Variants in MX1 observed in about 807,000 individuals in gnomAD.
The protein encoded by MX1 is MX dynamin like GTPase 1, also known as interferon-induced GTP-binding protein Mx1.
In MX1, 66 loss-of-function variants were observed where a neutral mutation model predicts 66.4. The observed-to-expected ratio is 0.99, with a 90% CI of 0.82 to 1.22. The LOEUF is 1.22. Among genes scored for constraint, MX1 ranks in the 50% most tolerant of loss-of-function variants. The probability of loss-of-function intolerance (pLI) is 0.00; values close to 1 mark genes in which losing one functional copy is unlikely to be tolerated. For synonymous variants in MX1, 311 were observed against 318.1 expected, an observed-to-expected ratio of 0.98 and a Z score of 0.24; for missense variants, 787 against 834.3, an observed-to-expected ratio of 0.94 and a Z score of 0.70.
chr21:41,444,907 T>TA (rs1179792070), intron 11 of MX1, among the ~76,000 whole-genome samples: 1 of 152,150 alleles, frequency 6.6e-6, no homozygotes, highest in Non-Finnish European at 1.5e-5. Context: ...AGTCCACCGA[T>TA]ACATTTAAAG....
chr21:41,436,547 C>T (rs555549620), intron 6 of MX1, among the ~76,000 whole-genome samples: 9 of 152,222 alleles, frequency 5.9e-5, no homozygotes, highest in South Asian at 2.1e-4. Flanking sequence ...AGGCCTGGGA[C>T]GGGTCTTGCA....
rs2090317785 is a variant in MX1 at position 41,434,902 on chromosome 21, A to G, written c.106-935A>G. ...GTATAGATCCAGATTTCCATTCAGTATCATTTTCCTTCTACCTAAAGAACT... is the reference window on the plus strand; with the variant it reads ...GTATAGATCCAGATTTCCATTCAGTGTCATTTTCCTTCTACCTAAAGAACT... On this transcript the variant is annotated intron_variant, in intron 5 of 16. Coordinates refer to ENST00000398598, the MANE Select transcript of MX1 (RefSeq NM_002462.5). 2.0e-5 allele frequency among the ~76,000 whole-genome samples: 3 copies of G among 152,214 alleles called. No homozygotes were observed. In the South Asian group the frequency reaches 6.2e-4, roughly 32 times the overall value.
intron 16 of MX1, among the ~76,000 whole-genome samples, chr21:41,454,199 A>C (rs1290358630): frequency 6.6e-6 from 1 of 152,164 alleles, no homozygotes; most frequent in East Asian, 1.9e-4. Context: ...AAATATTTGT[A>C]TTTCCTTTAG....
Position 41,450,545 on chromosome 21 carries a change from C to T in MX1, c.1433-622C>T, listed in dbSNP as rs548002092. On this transcript the variant is annotated intron_variant, in intron 14 of 16. Transcript: ENST00000398598. ...AAACCTGCAATCATGTTGTTTTGGT[C>T]CATTGTAGACTCTTAACTCATTCCA... Among the ~76,000 whole-genome samples, 9 of 152,210 alleles carry T rather than the reference C, an allele frequency of 5.9e-5. No homozygotes were observed. In the East Asian group the frequency reaches 1.5e-3, roughly 26 times the overall value.
At chr21:41,439,598 C>T (rs1248603083) in intron 7 of MX1, 96 bp from the exon 8 acceptor site, 6 of 1,185,358 alleles carry the variant, frequency 5.1e-6, no homozygotes, top group South Asian at 2.7e-5. Context: ...ATCCATGACT[C>T]GCAGAGAGGA....
At chr21:41,435,543 T>TA (rs2146148638) in intron 5 of MX1, among the ~76,000 whole-genome samples, 1 of 152,278 alleles carries the variant, frequency 6.6e-6, no homozygotes, top group East Asian at 1.9e-4. Context: ...TCAGGAAACT[T>TA]ACAATCATGG....
chr21:41,449,984 G>A (rs758272918), intron 14 of MX1, among the ~76,000 whole-genome samples: 1 of 152,070 alleles, frequency 6.6e-6, no homozygotes, highest in Non-Finnish European at 1.5e-5. Flanking sequence ...GGCCCACCAG[G>A]CATCATCTCT....
intron 14 of MX1, 84 bp from the exon 15 acceptor site, chr21:41,451,083 C>T: frequency 1.1e-6 from 1 of 907,018 alleles, no homozygotes; most frequent in East Asian, 2.5e-5. Flanking sequence ...TACTTCATAC[C>T]ATTTGATCCT....
rs1322826397 is a variant in MX1 at position 41,446,143 on chromosome 21, T to G, written c.1273+2T>G. 6.2e-7 allele frequency: 1 copy of G among 1,613,066 alleles called. No homozygotes were observed. The highest frequency in any genetic ancestry group is 1.7e-5 in the Admixed American group (1 of 59,952). ...TAATTGAAAACAATTTTCAAGAAGG[T>G]GAGTGTCTTAGTCCCTTCTTTTGGG... On this transcript the variant is annotated splice_donor_variant, in intron 13 of 16. Coordinates refer to ENST00000398598, the MANE Select transcript of MX1 (RefSeq NM_002462.5). LOFTEE classifies it high-confidence loss of function.
At chr21:41,437,620 A>G (rs468867) in intron 7 of MX1, among the ~76,000 whole-genome samples, 53,792 of 152,154 alleles carry the variant, frequency 0.35, 11,633 homozygotes, top group Non-Finnish European at 0.5. Flanking sequence ...TAGCCTGACA[A>G]CAGAGTGAGA....
chr21:41,445,853 CA>C, intron 12 of MX1, 146 bp from the exon 13 acceptor site: 1 of 1,089,934 alleles, frequency 9.2e-7, no homozygotes, highest in East Asian at 2.6e-5. Flanking sequence ...TTTCTAGTGC[CA>C]AAACCTCTTC....
chr21:41,432,217 C>T, intron 5 of MX1, 42 bp downstream of exon 5: 5 of 1,580,474 alleles, frequency 3.2e-6, no homozygotes, highest in Non-Finnish European at 4.3e-6. Context: ...TGACATGAGC[C>T]ATGCCCATTC....
At chr21:41,458,212 T>C (rs1185613662) in intron 16 of MX1, among the ~76,000 whole-genome samples, 1 of 152,200 alleles carries the variant, frequency 6.6e-6, no homozygotes, top group Non-Finnish European at 1.5e-5. Context: ...GGTCTGGAAA[T>C]GCAGTTTTTG....
At chr21:41,443,991 C>A in intron 11 of MX1, 125 bp downstream of exon 11, 1 of 918,030 alleles carries the variant, frequency 1.1e-6, no homozygotes, top group Non-Finnish European at 1.7e-6. Flanking sequence ...GATGCAGTTT[C>A]AGATTCTGTG....
intron 15 of MX1, among the ~76,000 whole-genome samples, chr21:41,452,017 T>C (rs1056753233): frequency 6.6e-6 from 1 of 152,010 alleles, no homozygotes; most frequent in Non-Finnish European, 1.5e-5. Flanking sequence ...CCTTGGGATG[T>C]GCCACTTCCA....
intron 5 of MX1, among the ~76,000 whole-genome samples, chr21:41,435,154 G>GCTCA (rs999373794): frequency 3.5e-4 from 53 of 152,256 alleles, no homozygotes; most frequent in African/African-American, 1.2e-3. Context: ...GTGTCCCTCT[G>GCTCA]CTCACACTGT....
At chr21:41,448,212 C>T (rs1435442736) in intron 13 of MX1, among the ~76,000 whole-genome samples, 1 of 152,130 alleles carries the variant, frequency 6.6e-6, no homozygotes, top group Middle Eastern at 3.2e-3. Context: ...GTTGGGAGTA[C>T]AAATCATTCC....
At chr21:41,445,695 C>T in intron 12 of MX1, 125 bp downstream of exon 12, 1 of 1,350,880 alleles carries the variant, frequency 7.4e-7, no homozygotes. Context: ...GCCCGTAGCA[C>T]TCAAAGGGTG....
intron 7 of MX1, among the ~76,000 whole-genome samples, chr21:41,437,603 G>A (rs928894933): frequency 8.5e-5 from 13 of 152,132 alleles, no homozygotes; most frequent in Admixed American, 6.5e-5. Context: ...ATCTTGCTAC[G>A]GCACTCTAGC....
Sources: allele counts gnomAD v4.1 joint callset (sites outside exome capture counted in the v4.1 genomes callset), GRCh38; gene constraint gnomAD v4.1.1; transcripts MANE v1.5; gene names NCBI Gene and HGNC (gene_info 2026-07-23, HGNC 2026-07-21).